The following GP6 variants were observed in gnomAD, a reference collection of about 807,000 sequenced individuals.
GP6 encodes glycoprotein VI platelet, also known as platelet glycoprotein VI.
In GP6, 45 loss-of-function variants were observed where a neutral mutation model predicts 37.3. The observed-to-expected ratio is 1.21, with a 90% CI of 0.95 to 1.55. The LOEUF (loss-of-function observed/expected upper bound fraction) is 1.55, where lower values mean the gene tolerates loss of function less well. GP6 is among the 40% of genes most tolerant of loss of function. GP6 has a pLI of 0.00. For synonymous variants in GP6, 340 were observed against 316.4 expected (o/e 1.07, Z -0.79); for missense variants, 813 against 760.2 (o/e 1.07, Z -0.82).
rs371674665 is a variant in GP6 at position 55,038,223 on chromosome 19, G to A, written c.14C>T (p.Pro5Leu). The stretch of plus-strand genomic sequence containing the variant: ...CTCACCAAGACAGAAGAGGGCGGTC[G>A]GGGATGGAGACATGGTTCCTCAGCC... The change falls in exon 1 of 8, where the codon CCG (proline) becomes CTG (leucine). Residue 5 changes from proline to leucine, a missense_variant. Pro to Leu is a moderately conservative substitution (Grantham distance 98). Transcript: ENST00000310373. 4.8e-5 allele frequency: 76 copies of A among 1,591,442 alleles called. No individual in the cohort carries two copies. The highest frequency in any genetic ancestry group is 9.0e-5 in the East Asian group (4 of 44,316).
chr19:55,034,363 T>C (rs184544668), intron 1 of GP6, among the ~76,000 whole-genome samples: 1 of 152,096 alleles, frequency 6.6e-6, no homozygotes, highest in East Asian at 1.9e-4. Context: ...AAGACCAGCC[T>C]GGTCAACATG....
rs371981549 is a variant in GP6, at chr19:55,038,194, A to G, written c.34+9T>C. 1.9e-6 allele frequency: 3 copies of G among 1,586,122 alleles called. No individual in the cohort carries two copies. The highest frequency in any genetic ancestry group is 8.6e-7 in the Non-Finnish European group (1 of 1,163,382). On this transcript the variant is annotated intron_variant, in intron 1 of 7. Transcript: ENST00000310373. ...TCAGCATTTCCCAGATCTGACCCTC[A>G]GGACTCACCAAGACAGAAGAGGGCG...
chr19:55,015,111 G>A lies in GP6; in HGVS notation c.834C>T (p.Gly278=), dbSNP rs1211779075. 1 of 1,587,102 alleles carries A rather than the reference G, an allele frequency of 6.3e-7. No individual in the cohort carries two copies. Among genetic ancestry groups the A allele is most frequent in the Admixed American group, 1.8e-5 (1 of 55,450 alleles). The change falls in exon 8 of 8, where the codon GGC becomes GGT. Residue 278 remains glycine, a synonymous_variant. Transcript: ENST00000310373. ...CCCCGCCAGGATTATTAGGATCACA[G>A]CCCCGAGGCATATCCGGACCAGGTT...
In GP6 at chr19:55,026,854, C is replaced by T. The variant is rs2074323640; in HGVS notation, c.610+724G>A. Among the ~76,000 whole-genome samples, 3 of 151,912 alleles carry T rather than the reference C, an allele frequency of 2.0e-5. No individual in the cohort carries two copies. The South Asian group carries it at 6.2e-4, about 32-fold the overall frequency. ...TGAGCTGAGATCGCGCCACTGCACTCCAGCCTGGGTGACAGAGTGAGACTT... is the reference window on the plus strand; with the variant it reads ...TGAGCTGAGATCGCGCCACTGCACTTCAGCCTGGGTGACAGAGTGAGACTT... On this transcript the variant is annotated intron_variant, in intron 4 of 7. Transcript: ENST00000310373.
Position 55,014,935 on chromosome 19 carries a change from C to T in GP6, c.1010G>A (p.Arg337Gln), listed in dbSNP as rs1191676377. 2 of 1,613,488 alleles carry T rather than the reference C, an allele frequency of 1.2e-6. No individual in the cohort carries two copies. The highest frequency in any genetic ancestry group is 1.1e-5 in the South Asian group (1 of 91,068). ...GGGTTCAGCGGTCATGAACATAACC[C>T]GCGGCTGTGAACATCCTGTCGGCCT... The change falls in exon 8 of 8, where the codon CGG (arginine) becomes CAG (glutamine). Residue 337 changes from arginine to glutamine, a missense_variant. Physicochemically the swap from Arg to Gln is conservative, Grantham distance 43. Coordinates refer to ENST00000310373, the MANE Select transcript of GP6 (RefSeq NM_001083899.2).
At chr19:55,015,405 C>T (rs1028217792) in intron 7 of GP6, among the ~76,000 whole-genome samples, 3 of 152,224 alleles carry the variant, frequency 2.0e-5, no homozygotes, top group African/African-American at 7.2e-5. Context: ...TCCCCAGACA[C>T]AGATGCTGCC....
Position 55,018,676 on chromosome 19 carries a change from A to C in GP6, c.700T>G (p.Phe234Val). Residue 234 changes from phenylalanine (F) to valine (V), a missense_variant, in exon 6 of 8, where the codon TTC (phenylalanine) becomes GTC (valine). Physicochemically the swap from Phe to Val is conservative, Grantham distance 50. Transcript: ENST00000310373. ...CCAGTTGTGAAGACTTCGTTTGTGA[A>C]TGAGACGGTCAGTTCAGCGGTGGCT... is the stretch of plus-strand genomic sequence containing the variant. The C allele has an allele frequency of 6.2e-7, 1 of 1,607,802 alleles. No individual in the cohort carries two copies. Among genetic ancestry groups the C allele is most frequent in the Non-Finnish European group, 8.5e-7 (1 of 1,174,186 alleles).
chr19:55,030,672 ATAAG>A (rs2074529294), intron 3 of GP6, among the ~76,000 whole-genome samples: 1 of 151,748 alleles, frequency 6.6e-6, no homozygotes, highest in Non-Finnish European at 1.5e-5. Context: ...AAATAAATAA[ATAAG>A]AAAAGAAATT....
intron 1 of GP6, among the ~76,000 whole-genome samples, chr19:55,036,858 A>G (rs1320514854): frequency 2.6e-5 from 4 of 152,160 alleles, no homozygotes; most frequent in Non-Finnish European, 4.4e-5. Flanking sequence ...TAAAAATACA[A>G]TAATTAGCCA....
intron 3 of GP6, among the ~76,000 whole-genome samples, 172 bp downstream of exon 3, chr19:55,031,965 CCT>C (rs1446313822): frequency 6.6e-6 from 1 of 152,078 alleles, no homozygotes; most frequent in African/African-American, 2.4e-5. Flanking sequence ...GCAGCAAGAC[CCT>C]GTGTCCAAAA....
At chr19:55,024,904 T>C (rs1021872685) in intron 5 of GP6, among the ~76,000 whole-genome samples, 2 of 151,604 alleles carry the variant, frequency 1.3e-5, no homozygotes, top group African/African-American at 4.9e-5. Flanking sequence ...GTTGGTTGGT[T>C]GGTTAGTTTG....
chr19:55,022,886 C>A (rs2074133173), intron 5 of GP6, among the ~76,000 whole-genome samples: 1 of 152,208 alleles, frequency 6.6e-6, no homozygotes, highest in African/African-American at 2.4e-5. Context: ...AAAAACATTC[C>A]ATGCTCATGG....
intron 7 of GP6, 33 bp from the exon 8 acceptor site, chr19:55,015,198 A>C (rs2073826602): frequency 5.2e-6 from 8 of 1,550,958 alleles, no homozygotes; most frequent in Non-Finnish European, 7.0e-6. Flanking sequence ...GAGCAGGTGA[A>C]AGAGCCCACC....
chr19:55,029,021 AGAAAG>A (rs747423376), intron 3 of GP6, among the ~76,000 whole-genome samples: 31 of 152,010 alleles, frequency 2.0e-4, no homozygotes, highest in Admixed American at 3.9e-4. Context: ...AGAAAGCAAA[AGAAAG>A]GAAGTAAGGA....
intron 4 of GP6, 133 bp from the exon 5 acceptor site, chr19:55,025,404 T>A: frequency 1.4e-6 from 1 of 718,108 alleles, no homozygotes; most frequent in South Asian, 1.5e-5. Context: ...TGGACTGTTG[T>A]GGATGTTAAT....
rs2073773654 is a variant in GP6, at chr19:55,014,483, T to TG, written c.1461dup (p.Arg488GlnfsTer36). 1.2e-6 allele frequency: 2 copies of TG among 1,614,088 alleles called. No homozygotes were observed. The highest frequency in any genetic ancestry group is 1.7e-6 in the Non-Finnish European group (2 of 1,179,970). ...GAGATGGAGTGAGGGTGAGAGTTTC[T>TG]GGGGAAAACCAGACAAGAGCACAGA... On this transcript the variant is annotated frameshift_variant, in exon 8 of 8. Transcript: ENST00000310373. LOFTEE classifies it low-confidence loss of function (END_TRUNC).
intron 5 of GP6, among the ~76,000 whole-genome samples, chr19:55,024,360 A>ACACACG (rs2074223034): frequency 7.7e-6 from 1 of 130,572 alleles, no homozygotes; most frequent in East Asian, 2.1e-4. Context: ...ACGCACACAC[A>ACACACG]CATATGCACG....
At chr19:55,028,720 C>G (rs2074402908) in intron 3 of GP6, among the ~76,000 whole-genome samples, 1 of 152,194 alleles carries the variant, frequency 6.6e-6, no homozygotes, top group Admixed American at 6.5e-5. Flanking sequence ...GAGTTGAAAT[C>G]TGCACTCACA....
At chr19:55,019,838 T>C (rs1177256375) in intron 5 of GP6, among the ~76,000 whole-genome samples, 1 of 151,836 alleles carries the variant, frequency 6.6e-6, no homozygotes, top group Admixed American at 6.6e-5. Context: ...CCACCACGCC[T>C]GGCTAATTTT....
Sources: gnomAD v4.1 joint callset for allele counts (sites outside exome capture counted in the v4.1 genomes callset) on GRCh38, gnomAD v4.1.1 for gene constraint, MANE v1.5 for transcripts, NCBI Gene and HGNC (gene_info 2026-07-23, HGNC 2026-07-21) for gene names.